TRIM2: variants seen among roughly 807,000 people sequenced by gnomAD.
TRIM2 encodes tripartite motif containing 2.
TRIM2 carries 20 observed loss-of-function variants against 75.2 expected under a neutral mutation model. The ratio of observed to expected loss-of-function variants is 0.27; its 90% CI spans 0.19 to 0.39. The LOEUF is 0.39. TRIM2 is among the 10% of genes least tolerant of loss of function. The pLI is 1.00. For synonymous variants in TRIM2, 373 were observed against 388.3 expected (o/e 0.96, Z 0.46); for missense variants, 660 against 990.8 (o/e 0.67, Z 4.48).
intron 6 of TRIM2, among the ~76,000 whole-genome samples, chr4:153,302,272 A>G (rs910384001): frequency 6.6e-6 from 1 of 152,296 alleles, no homozygotes; most frequent in South Asian, 2.1e-4. Context: ...ATTCAAATCC[A>G]GTATCTAGTC....
At chr4:153,228,006 G>A (rs977588064) in intron 1 of TRIM2, among the ~76,000 whole-genome samples, 1 of 152,164 alleles carries the variant, frequency 6.6e-6, no homozygotes, top group African/African-American at 2.4e-5. Context: ...TAATTACCAT[G>A]TTAGTCCAAG....
intron 1 of TRIM2, among the ~76,000 whole-genome samples, chr4:153,209,937 A>T (rs1385076841): frequency 1.3e-5 from 2 of 152,188 alleles, no homozygotes; most frequent in African/African-American, 4.8e-5. Context: ...TTTCAACTGA[A>T]CTTTAAAGCT....
intron 1 of TRIM2, among the ~76,000 whole-genome samples, chr4:153,229,832 G>A (rs1372923980): frequency 6.6e-6 from 1 of 152,158 alleles, no homozygotes; most frequent in African/African-American, 2.4e-5. Context: ...ACTAAATCTC[G>A]ATAGAACTAA....
At chr4:153,327,534 C>A (rs1472438497) in intron 10 of TRIM2, among the ~76,000 whole-genome samples, 1 of 152,190 alleles carries the variant, frequency 6.6e-6, no homozygotes, top group East Asian at 1.9e-4. Flanking sequence ...TATTTCTATG[C>A]ATCTAGGCAT....
intron 1 of TRIM2, among the ~76,000 whole-genome samples, chr4:153,217,416 C>T (rs1044134551): frequency 1.3e-5 from 2 of 152,014 alleles, no homozygotes; most frequent in Non-Finnish European, 2.9e-5. Context: ...AAAAGGCCAC[C>T]CCAGACTCAG....
At chr4:153,324,372 G>T (rs564610435) in intron 10 of TRIM2, 147 of 335,268 alleles carry the variant, frequency 4.4e-4, no homozygotes, top group Middle Eastern at 7.4e-4. Flanking sequence ...TTTGAAACTG[G>T]TGCAAATGAA....
chr4:153,272,543 G>A (rs568361208), intron 2 of TRIM2, among the ~76,000 whole-genome samples: 1 of 152,088 alleles, frequency 6.6e-6, no homozygotes, highest in African/African-American at 2.4e-5. Flanking sequence ...CTAGAGTGCA[G>A]TGGCACAATC....
chr4:153,334,979 G>A lies in TRIM2; in HGVS notation c.*13G>A, dbSNP rs777666827. On this transcript the variant is annotated 3_prime_UTR_variant, in exon 12 of 12. Coordinates refer to ENST00000338700, the MANE Select transcript of TRIM2 (RefSeq NM_015271.5). ...ATACTTACAGTAATGGTGGGCAGGT[G>A]GATACCCGCTTCCATGGTCTTGCAC... The A allele has an allele frequency of 1.2e-6, 2 of 1,607,020 alleles. No individual in the cohort carries two copies. The highest frequency in any genetic ancestry group is 1.7e-6 in the Non-Finnish European group (2 of 1,175,462).
chr4:153,231,992 G>T (rs1320775540), intron 1 of TRIM2, among the ~76,000 whole-genome samples: 2 of 152,062 alleles, frequency 1.3e-5, no homozygotes, highest in African/African-American at 4.8e-5. Flanking sequence ...GAGCATTTCG[G>T]ATTTCAGTCT....
chr4:153,194,318 A>G (rs1280740332), intron 1 of TRIM2, among the ~76,000 whole-genome samples: 1 of 152,218 alleles, frequency 6.6e-6, no homozygotes, highest in Non-Finnish European at 1.5e-5. Flanking sequence ...ATGTGCATAT[A>G]AAGAAACACT....
At chr4:153,171,815 T>C (rs1317590414) in intron 1 of TRIM2, among the ~76,000 whole-genome samples, 1 of 148,834 alleles carries the variant, frequency 6.7e-6, no homozygotes, top group East Asian at 2.0e-4. Flanking sequence ...GCATCCCAGC[T>C]TTTTGCCATA....
At chr4:153,202,665 C>T (rs1194961616), upstream of TRIM2, among the ~76,000 whole-genome samples, 7 of 148,364 alleles carry the variant, frequency 4.7e-5, no homozygotes, top group African/African-American at 1.8e-4. Context: ...CGCCACTGCA[C>T]TCCAGCCTGG....
At chr4:153,230,643 C>A (rs1448947778) in intron 1 of TRIM2, among the ~76,000 whole-genome samples, 1 of 152,172 alleles carries the variant, frequency 6.6e-6, no homozygotes, top group African/African-American at 2.4e-5. Flanking sequence ...ATACTGCATG[C>A]CTTAAGGGAG....
upstream of TRIM2, among the ~76,000 whole-genome samples, chr4:153,203,485 C>A (rs901156586): frequency 4.6e-5 from 7 of 150,566 alleles, no homozygotes; most frequent in Non-Finnish European, 7.4e-5. Flanking sequence ...CTTGGGCATA[C>A]AATAAATCCA....
At chr4:153,161,369 A>G (rs572256131) in intron 1 of TRIM2, among the ~76,000 whole-genome samples, 1 of 152,350 alleles carries the variant, frequency 6.6e-6, no homozygotes, top group African/African-American at 2.4e-5. Flanking sequence ...CTGTGCATGC[A>G]TGATCCCATT....
Position 153,325,375 on chromosome 4 carries a change from G to T in TRIM2, c.2022+1227G>T, listed in dbSNP as rs73854656. 5.3e-3 allele frequency among the ~76,000 whole-genome samples: 800 copies of T among 152,254 alleles called. 9 individuals carry two copies. The highest frequency in any genetic ancestry group is 0.018 in the African/African-American group (763 of 41,554). ...CAGAGATGCTCACATGGTGGCATAG[G>T]TCCCCCCTACACTCAAATGCAGATA... is the stretch of plus-strand genomic sequence containing the variant. On this transcript the variant is annotated intron_variant, in intron 10 of 11. Coordinates refer to ENST00000338700, the MANE Select transcript of TRIM2 (RefSeq NM_015271.5).
intron 1 of TRIM2, among the ~76,000 whole-genome samples, chr4:153,229,652 G>A (rs929113242): frequency 2.6e-4 from 39 of 152,178 alleles, no homozygotes; most frequent in Admixed American, 1.9e-3. Flanking sequence ...TAATTATTAA[G>A]CATTTGCTTG....
chr4:153,181,070 G>A (rs1270170685), intron 1 of TRIM2, among the ~76,000 whole-genome samples: 2 of 152,174 alleles, frequency 1.3e-5, no homozygotes, highest in Non-Finnish European at 1.5e-5. Flanking sequence ...GTGGGTGTTT[G>A]TAATTCCAAT....
At chr4:153,226,516 A>G (rs1742169047) in intron 1 of TRIM2, among the ~76,000 whole-genome samples, 1 of 152,228 alleles carries the variant, frequency 6.6e-6, no homozygotes, top group Non-Finnish European at 1.5e-5. Flanking sequence ...GTTTTGAGAG[A>G]TGAATACCCT....
Sources: gnomAD v4.1 joint callset for allele counts (sites outside exome capture counted in the v4.1 genomes callset) on GRCh38, gnomAD v4.1.1 for gene constraint, MANE v1.5 for transcripts, NCBI Gene and HGNC (gene_info 2026-07-23, HGNC 2026-07-21) for gene names.